The following CELSR1 variants were observed in gnomAD, a reference collection of about 807,000 sequenced individuals.
CELSR1 encodes adhesion G protein-coupled receptor C1.
A neutral mutation model predicts 249.1 loss-of-function variants in CELSR1; 110 were observed. The observed-to-expected ratio is 0.44, with a 90% CI of 0.38 to 0.52. The LOEUF (loss-of-function observed/expected upper bound fraction) is 0.52. Among genes scored for constraint, CELSR1 ranks in the 20% least tolerant of loss-of-function variants. The pLI, the probability that CELSR1 is intolerant of heterozygous loss-of-function variation, is 0.00. For missense variants in CELSR1, 4,109 were observed against 4,296.4 expected (o/e 0.96, Z 1.22); for synonymous variants, 2,113 against 1,900.0 (o/e 1.11, Z -2.92).
intron 32 of CELSR1, 51 bp downstream of exon 32, chr22:46,365,180 C>G: frequency 6.3e-7 from 1 of 1,576,488 alleles, no homozygotes; most frequent in Non-Finnish European, 8.6e-7. Context: ...AGGCCTGCCC[C>G]GAGCCCGCTG....
rs901996623 is a variant in CELSR1 at position 46,428,566 on chromosome 22, C to A, written c.4611+4827G>T. Among the ~76,000 whole-genome samples, 1 of 152,238 alleles carries A rather than the reference C, an allele frequency of 6.6e-6. No individual in the cohort carries two copies. The highest frequency in any genetic ancestry group is 2.4e-5 in the African/African-American group (1 of 41,460). On this transcript the variant is annotated intron_variant, in intron 5 of 34. Transcript: ENST00000674500. The surrounding 1 kb of genome is among the most constrained non-coding windows in gnomAD (Gnocchi z 5.7). ...CTCAGGGGCCTGACAATGATGAAGA[C>A]CTCTTGGTTGTCAAAACCGGGTTAG...
In CELSR1 at chr22:46,381,897, G is replaced by A. The variant is rs1342383496; in HGVS notation, c.7037C>T (p.Thr2346Ile). 2 of 1,575,424 alleles carry A rather than the reference G, an allele frequency of 1.3e-6. No individual in the cohort carries two copies. The highest frequency in any genetic ancestry group is 2.7e-5 in the African/African-American group (2 of 74,186). ...GCGCTCGGGCAGGAGCTGCCCCAGGGTGCGGTAAATGATGACCAGAGCGAC... is the reference window on the plus strand; with the variant it reads ...GCGCTCGGGCAGGAGCTGCCCCAGGATGCGGTAAATGATGACCAGAGCGAC... ...FAVALVIIYR[T>I]LGQLLPERYD... Residue 2346 changes from threonine (T) to isoleucine (I), a missense_variant, in exon 21 of 35, where the codon ACC (threonine) becomes ATC (isoleucine). Around this residue, in one of 7 missense-constraint regions of CELSR1, gnomAD observed 1,805 missense variants for 1,831.6 expected, o/e 0.99. Transcript: ENST00000674500. The surrounding 1 kb of genome is among the most constrained non-coding windows in gnomAD (Gnocchi z 6.0).
At position 46,536,992 on chromosome 22, in the gene CELSR1, G is replaced by A; in HGVS notation, c.179C>T (p.Ala60Val). ...GCCCACGTCCAGCAGCTCCCGCGGC[G>A]CCCGGGGCGTGCAAGCGGCGCCCAC... ...YAVGAACTPR[A>V]PRELLDVGRD... is the part of the protein sequence containing the mutation. Residue 60 changes from alanine to valine, a missense_variant, in exon 1 of 35, where the codon GCG becomes GTG. Ala to Val is a moderately conservative substitution (Grantham distance 64). Transcript: ENST00000674500. 4 of 1,119,742 alleles carry A rather than the reference G, an allele frequency of 3.6e-6. No homozygotes were observed. The highest frequency in any genetic ancestry group is 3.8e-5 in the South Asian group (1 of 25,996). 69.4% of individuals were successfully genotyped at this position (1,119,742 alleles called of 1,614,324 possible).
At chr22:46,478,191 G>A (rs1406022875) in intron 1 of CELSR1, among the ~76,000 whole-genome samples, 1 of 152,160 alleles carries the variant, frequency 6.6e-6, no homozygotes, top group Non-Finnish European at 1.5e-5. Flanking sequence ...AGACCACTCG[G>A]GCCTCTGCGC....
rs1463325887 is a variant in CELSR1, at chr22:46,500,495, G to A, written c.3544+33132C>T. Among the ~76,000 whole-genome samples the A allele has an allele frequency of 6.6e-6, 1 of 152,112 alleles. No homozygotes were observed. The highest frequency in any genetic ancestry group is 6.6e-5 in the Admixed American group (1 of 15,256). ...GCTCTGGGCTTATTCAGATGACTGG[G>A]GTGTGCTGAATGGGCTCTGAGCACA... On this transcript the variant is annotated intron_variant, in intron 1 of 34. Transcript: ENST00000674500. This position sits in a 1 kb window ranked among gnomAD's most constrained non-coding sequence, Gnocchi z 4.9.
intron 2 of CELSR1, among the ~76,000 whole-genome samples, chr22:46,439,915 G>A (rs1352635861): frequency 6.6e-6 from 1 of 151,344 alleles, no homozygotes; most frequent in African/African-American, 2.5e-5. Context: ...CACCTGCCCT[G>A]ACTGCCGTCC....
In CELSR1 at chr22:46,407,269, G is replaced by T. The variant is rs965691302; in HGVS notation, c.5226+1727C>A. Among the ~76,000 whole-genome samples the T allele has an allele frequency of 6.6e-6, 1 of 152,152 alleles. No individual in the cohort carries two copies. Among genetic ancestry groups the T allele is most frequent in the Non-Finnish European group, 1.5e-5 (1 of 68,036 alleles). On this transcript the variant is annotated intron_variant, in intron 9 of 34. Transcript: ENST00000674500. The surrounding 1 kb of genome is among the most constrained non-coding windows in gnomAD (Gnocchi z 4.8). ...CACACAGACATGCACAAATGTGCAC[G>T]CATGGAGAGATGCACATACACAGAC... is the stretch of plus-strand genomic sequence containing the variant.
At chr22:46,460,616 G>A (rs1269417236) in intron 2 of CELSR1, among the ~76,000 whole-genome samples, 2 of 152,222 alleles carry the variant, frequency 1.3e-5, no homozygotes, top group African/African-American at 2.4e-5. Flanking sequence ...ACACCAGCCC[G>A]TGTTTGCCTC....
intron 1 of CELSR1, among the ~76,000 whole-genome samples, chr22:46,495,070 C>T (rs1227212128): frequency 6.6e-6 from 1 of 152,224 alleles, no homozygotes; most frequent in Non-Finnish European, 1.5e-5. Context: ...CTAGACCCAG[C>T]TGGTACAGCC....
rs117055469 is a variant in CELSR1, at chr22:46,442,186, C to G, written c.4184-2775G>C. 3.3e-3 allele frequency among the ~76,000 whole-genome samples: 503 copies of G among 152,332 alleles called. 3 individuals carry two copies. The highest frequency in any genetic ancestry group is 5.9e-3 in the Non-Finnish European group (403 of 68,020). On this transcript the variant is annotated intron_variant, in intron 2 of 34. Coordinates refer to ENST00000674500, the MANE Select transcript of CELSR1 (RefSeq NM_001378328.1). Reference sequence around the variant, plus strand: ...AGAAAAAAAAGAAATCAGGTGCTATCAAGGGTAGGTGCTGAGGTATACCCC... The same window carrying G: ...AGAAAAAAAAGAAATCAGGTGCTATGAAGGGTAGGTGCTGAGGTATACCCC...
intron 1 of CELSR1, among the ~76,000 whole-genome samples, chr22:46,528,375 C>G (rs2080759115): frequency 6.6e-6 from 1 of 152,170 alleles, no homozygotes; most frequent in South Asian, 2.1e-4. Context: ...TCAGTATTTT[C>G]TGACATGCCT....
Position 46,411,843 on chromosome 22 carries a change from G to A in CELSR1, c.4612-84C>T. 5 of 1,566,364 alleles carry A rather than the reference G, an allele frequency of 3.2e-6. No individual in the cohort carries two copies. The highest frequency in any genetic ancestry group is 1.7e-6 in the Non-Finnish European group (2 of 1,149,030). On this transcript the variant is annotated intron_variant, in intron 5 of 34. Coordinates refer to ENST00000674500, the MANE Select transcript of CELSR1 (RefSeq NM_001378328.1). The surrounding 1 kb of genome is among the most constrained non-coding windows in gnomAD (Gnocchi z 4.2). Reference sequence around the variant, plus strand: ...GCGCACCTGTCACTCATAGAGCGAGGAGGACATGGCACAGGGTGGGCGGCA... The same window carrying A: ...GCGCACCTGTCACTCATAGAGCGAGAAGGACATGGCACAGGGTGGGCGGCA...
chr22:46,391,980 G>A lies in CELSR1; in HGVS notation c.5965-164C>T, dbSNP rs941239371. Among the ~76,000 whole-genome samples, 4 of 152,312 alleles carry A rather than the reference G, an allele frequency of 2.6e-5. No individual in the cohort carries two copies. The highest frequency in any genetic ancestry group is 2.1e-4 in the South Asian group (1 of 4,830). Reference sequence around the variant, plus strand: ...CCTCTGCCCACATCCCACACCCAACGGGGGCTGCCTCCCAAGGCCCCACAA... The same window carrying A: ...CCTCTGCCCACATCCCACACCCAACAGGGGCTGCCTCCCAAGGCCCCACAA... On this transcript the variant is annotated intron_variant, in intron 14 of 34. Coordinates refer to ENST00000674500, the MANE Select transcript of CELSR1 (RefSeq NM_001378328.1). The surrounding 1 kb of genome is among the most constrained non-coding windows in gnomAD (Gnocchi z 4.3).
At chr22:46,498,613 AAAAAAAAAAAAAG>A (rs1393773915) in intron 1 of CELSR1, among the ~76,000 whole-genome samples, 4 of 110,998 alleles carry the variant, frequency 3.6e-5, no homozygotes, top group African/African-American at 6.1e-5. Context: ...CTCTGTCTCA[AAAAAAAAAAAAAG>A]AAAAAGAAAA....
At chr22:46,415,610 T>C (rs1367644545) in intron 5 of CELSR1, among the ~76,000 whole-genome samples, 1 of 150,320 alleles carries the variant, frequency 6.7e-6, no homozygotes, top group East Asian at 1.9e-4. Flanking sequence ...GAACTTCACC[T>C]CAATAAGGAA....
chr22:46,515,127 C>T (rs1602231314), intron 1 of CELSR1, among the ~76,000 whole-genome samples: 1 of 26,336 alleles, frequency 3.8e-5, no homozygotes, highest in East Asian at 2.9e-3. Context: ...CAGAGCCAAC[C>T]CCCCCCGGGG....
intron 1 of CELSR1, among the ~76,000 whole-genome samples, chr22:46,493,731 A>G (rs1296108044): frequency 2.0e-5 from 3 of 152,118 alleles, no homozygotes; most frequent in South Asian, 2.1e-4. Context: ...ACAAGGTCTC[A>G]TGAGATCTGA....
At position 46,398,657 on chromosome 22, in the gene CELSR1, G is replaced by C; in HGVS notation, c.5413-20C>G. On this transcript the variant is annotated intron_variant, in intron 10 of 34. Transcript: ENST00000674500. This position sits in a 1 kb window ranked among gnomAD's most constrained non-coding sequence, Gnocchi z 7.2. ...CTTGTTCTGTGCGGAGAGAGGGGCCGGGGATCTGGGGGCTGCATCCACCAT... is the reference window on the plus strand; with the variant it reads ...CTTGTTCTGTGCGGAGAGAGGGGCCCGGGATCTGGGGGCTGCATCCACCAT... The C allele has an allele frequency of 6.4e-7, 1 of 1,571,738 alleles. No homozygotes were observed. Among genetic ancestry groups the C allele is most frequent in the Non-Finnish European group, 8.7e-7 (1 of 1,152,394 alleles).
In CELSR1 at chr22:46,533,716, A is replaced by C; in HGVS notation, c.3455T>G (p.Leu1152Arg). ...CAGTTCGCCCGTGGCGGGGTCCAGC[A>C]GCAACAGGCGCAGCTCGTTGCCCTG... ...FVQGNELRLL[L>R]LDPATGELQL... is the part of the protein sequence containing the mutation. Residue 1152 changes from leucine to arginine, a missense_variant, in exon 1 of 35, where the codon CTG becomes CGG. This residue lies in a region of CELSR1 where 886 missense variants were observed against 896.5 expected (regional missense o/e 0.99). Coordinates refer to ENST00000674500, the MANE Select transcript of CELSR1 (RefSeq NM_001378328.1). 1.2e-6 allele frequency: 2 copies of C among 1,612,844 alleles called. No homozygotes were observed. The highest frequency in any genetic ancestry group is 1.7e-6 in the Non-Finnish European group (2 of 1,179,950).
Sources: gnomAD v4.1 joint callset for allele counts (sites outside exome capture counted in the v4.1 genomes callset) on GRCh38, gnomAD v4.1.1 for gene constraint, gnomAD v4.1.1 regional missense constraint, Gnocchi (gnomAD v3.1) non-coding constraint, MANE v1.5 for transcripts, NCBI Gene and HGNC (gene_info 2026-07-23, HGNC 2026-07-21) for gene names.